BANK1: variants seen among roughly 807,000 people sequenced by gnomAD.
BANK1 encodes the protein B-cell scaffold protein with ankyrin repeats.
A neutral mutation model predicts 94.5 loss-of-function variants in BANK1; 95 were observed. The ratio of observed to expected loss-of-function variants is 1.00; its 90% confidence interval spans 0.85 to 1.19. BANK1 has a LOEUF of 1.19. Among genes scored for constraint, BANK1 ranks in the 50% most tolerant of loss-of-function variants. The pLI, the probability that BANK1 is intolerant of heterozygous loss-of-function variation, is 0.00. For synonymous variants in BANK1, 334 were observed against 308.4 expected (o/e 1.08, Z -0.87); for missense variants, 987 against 932.2 (o/e 1.06, Z -0.77).
intron 7 of BANK1, among the ~76,000 whole-genome samples, chr4:101,973,156 C>T (rs781515902): frequency 9.2e-5 from 14 of 151,876 alleles, no homozygotes; most frequent in Non-Finnish European, 1.5e-4. Context: ...AATGCTCTCA[C>T]CACAACCAAT....
chr4:102,046,491 G>C (rs996347504), intron 11 of BANK1, among the ~76,000 whole-genome samples: 2 of 152,076 alleles, frequency 1.3e-5, no homozygotes, highest in Non-Finnish European at 2.9e-5. Flanking sequence ...ATGCATCAGA[G>C]GCTGTGTTTT....
chr4:101,909,752 T>G (rs1233790255), intron 6 of BANK1, among the ~76,000 whole-genome samples: 1 of 152,190 alleles, frequency 6.6e-6, no homozygotes, highest in Non-Finnish European at 1.5e-5. Flanking sequence ...ACAACATATA[T>G]AAAAATATCA....
chr4:101,862,139 G>T lies in BANK1; in HGVS notation c.625-387G>T, dbSNP rs139065246. On this transcript the variant is annotated intron_variant, in intron 3 of 16. Coordinates refer to ENST00000322953, the MANE Select transcript of BANK1 (RefSeq NM_017935.5). ...CCAAGTTATATAAAGGACTAAAAAA[G>T]GGATTTGGAAAAATGATTTGGTTAA... Among the ~76,000 whole-genome samples the T allele has an allele frequency of 2.5e-3, 383 of 152,162 alleles. 2 individuals are homozygous for T. The highest frequency in any genetic ancestry group is 4.3e-3 in the Non-Finnish European group (292 of 67,958).
chr4:102,028,119 A>G (rs972449770), intron 9 of BANK1, among the ~76,000 whole-genome samples: 4 of 152,198 alleles, frequency 2.6e-5, no homozygotes, highest in African/African-American at 9.7e-5. Context: ...TGCAAGCCCA[A>G]CTTTAGAAAT....
intron 10 of BANK1, among the ~76,000 whole-genome samples, chr4:102,037,908 T>G (rs982871198): frequency 2.6e-5 from 4 of 152,156 alleles, no homozygotes; most frequent in Non-Finnish European, 4.4e-5. Flanking sequence ...TGCCTTTTGC[T>G]TCTTCCCTTT....
intron 7 of BANK1, among the ~76,000 whole-genome samples, chr4:101,994,234 T>C (rs1240790978): frequency 6.6e-6 from 1 of 152,234 alleles, no homozygotes; most frequent in Non-Finnish European, 1.5e-5. Flanking sequence ...GAATGAGTTA[T>C]CTGATCCAGT....
At chr4:101,811,147 C>T (rs924436142) in intron 1 of BANK1, among the ~76,000 whole-genome samples, 19 of 152,164 alleles carry the variant, frequency 1.2e-4, no homozygotes, top group African/African-American at 4.6e-4. Context: ...TTTGTGCTAG[C>T]TGCTGTGTGC....
intron 7 of BANK1, among the ~76,000 whole-genome samples, chr4:101,962,548 A>C (rs1285478037): frequency 6.6e-6 from 1 of 152,116 alleles, no homozygotes; most frequent in Non-Finnish European, 1.5e-5. Context: ...GACATTTTAA[A>C]ATGTAGTTCA....
chr4:101,990,433 C>T (rs753728100), intron 7 of BANK1, among the ~76,000 whole-genome samples: 7 of 152,174 alleles, frequency 4.6e-5, no homozygotes, highest in South Asian at 4.1e-4. Flanking sequence ...TTCCAAGATA[C>T]CTTCCTTAAT....
intron 7 of BANK1, among the ~76,000 whole-genome samples, chr4:102,001,161 A>C (rs1726055415): frequency 6.6e-6 from 1 of 152,196 alleles, no homozygotes; most frequent in Admixed American, 6.5e-5. Context: ...AGCAACACTG[A>C]AGTCTATGTG....
chr4:101,863,515 T>G (rs1012529647), intron 4 of BANK1, among the ~76,000 whole-genome samples: 2 of 152,076 alleles, frequency 1.3e-5, no homozygotes, highest in Non-Finnish European at 2.9e-5. Context: ...TTTTGAACAT[T>G]TTTTCCTTTT....
At chr4:102,012,255 A>C (rs1335819044) in intron 7 of BANK1, among the ~76,000 whole-genome samples, 1 of 152,194 alleles carries the variant, frequency 6.6e-6, no homozygotes, top group Non-Finnish European at 1.5e-5. Context: ...CCACAGGAAC[A>C]ACCTGCACTG....
chr4:101,978,058 G>A (rs567768730), intron 7 of BANK1, among the ~76,000 whole-genome samples: 1 of 151,708 alleles, frequency 6.6e-6, no homozygotes, highest in South Asian at 2.1e-4. Flanking sequence ...CTGCCTCCCA[G>A]GTTCAAGCAA....
intron 11 of BANK1, among the ~76,000 whole-genome samples, chr4:102,044,204 C>T (rs142956143): frequency 0.017 from 2,523 of 152,152 alleles, 48 homozygotes; most frequent in African/African-American, 0.056. Context: ...ACAACAGTCC[C>T]CAGAGTGTGA....
intron 1 of BANK1, 75 bp from the exon 2 acceptor site, chr4:101,829,733 T>C: frequency 9.8e-7 from 1 of 1,025,282 alleles, no homozygotes. Flanking sequence ...GTGAGCATAT[T>C]AAAATTTTTG....
In BANK1 at chr4:101,919,478, G is replaced by A. The variant is rs182469966; in HGVS notation, c.1206+1289G>A. ...AGATATGAAAGTAAGTACAATGGTA[G>A]GATATGAGGTTTGATGGATGTGGGA... On this transcript the variant is annotated intron_variant, in intron 7 of 16. Transcript: ENST00000322953. Among the ~76,000 whole-genome samples the A allele has an allele frequency of 1.7e-4, 26 of 152,040 alleles. 1 individual carries two copies. Among genetic ancestry groups the A allele is most frequent in the Admixed American group, 1.6e-3 (24 of 15,228 alleles).
chr4:101,938,567 A>C (rs1032423575), intron 7 of BANK1, among the ~76,000 whole-genome samples: 1 of 151,616 alleles, frequency 6.6e-6, no homozygotes, highest in African/African-American at 2.4e-5. Flanking sequence ...GTACCCCTTA[A>C]ATATATATAC....
intron 4 of BANK1, among the ~76,000 whole-genome samples, chr4:101,863,956 G>C (rs550284185): frequency 1.3e-3 from 202 of 152,144 alleles, no homozygotes; most frequent in Non-Finnish European, 2.3e-3. Flanking sequence ...CATTACTTAA[G>C]AATTTTTGCT....
At chr4:102,058,925 C>T (rs1373908398) in intron 11 of BANK1, among the ~76,000 whole-genome samples, 2 of 151,984 alleles carry the variant, frequency 1.3e-5, no homozygotes, top group South Asian at 2.1e-4. Flanking sequence ...GGAAAGAAAC[C>T]CTCTCCATGT....
Sources: allele counts gnomAD v4.1 joint callset (sites outside exome capture counted in the v4.1 genomes callset), GRCh38; gene constraint gnomAD v4.1.1; transcripts MANE v1.5; gene names NCBI Gene and HGNC (gene_info 2026-07-23, HGNC 2026-07-21).